Variants in ANO1 observed in about 807,000 individuals in gnomAD.
The protein encoded by ANO1 is anoctamin 1, also known as anoctamin-1.
Under a neutral mutation model 124.0 loss-of-function variants are expected in ANO1, and 59 were observed. The ratio of observed to expected loss-of-function variants is 0.48; its 90% confidence interval spans 0.39 to 0.59. The LOEUF is 0.59. Ranked by LOEUF, ANO1 falls within the 20% of genes least tolerant of loss-of-function variation. ANO1 has a pLI of 0.00. For missense variants in ANO1, 1,059 were observed against 1,328.0 expected (o/e 0.80, Z 3.15); for synonymous variants, 529 against 532.0 (o/e 0.99, Z 0.08).
Position 70,182,601 on chromosome 11 carries a change from C to G in ANO1, c.2503C>G (p.Leu835Val). Residue 835 changes from leucine (L) to valine (V), a missense_variant, in exon 24 of 26, where the codon CTC (leucine) becomes GTC (valine). Leu to Val is a conservative substitution (Grantham distance 32). Coordinates refer to ENST00000355303, the MANE Select transcript of ANO1 (RefSeq NM_018043.7). ...GTMHGFVNHT[L>V]SSFNVSDFQN... The stretch of plus-strand genomic sequence containing the variant: ...CATGCACGGCTTCGTCAACCACACC[C>G]TCTCCTCCTTCAACGTCAGTGACTT... The G allele has an allele frequency of 6.2e-7, 1 of 1,613,782 alleles. No homozygotes were observed. Among genetic ancestry groups the G allele is most frequent in the Non-Finnish European group, 8.5e-7 (1 of 1,179,770 alleles).
chr11:70,110,490 T>C (rs2045730650), intron 6 of ANO1, among the ~76,000 whole-genome samples: 1 of 152,084 alleles, frequency 6.6e-6, no homozygotes, highest in South Asian at 2.1e-4. Context: ...CGGGCCCCCA[T>C]GTTCACTTTC....
intron 1 of ANO1, among the ~76,000 whole-genome samples, chr11:70,055,964 T>C (rs888278463): frequency 6.6e-6 from 1 of 152,084 alleles, no homozygotes. Context: ...TTAACTTCAT[T>C]TACCTTCCCT....
At chr11:70,050,587 G>A (rs1035076982) in intron 1 of ANO1, among the ~76,000 whole-genome samples, 1 of 152,042 alleles carries the variant, frequency 6.6e-6, no homozygotes, top group Admixed American at 6.5e-5. Context: ...ACTGTTGGGG[G>A]CCCCAACCCT....
intron 1 of ANO1, among the ~76,000 whole-genome samples, chr11:70,059,116 A>G (rs181962969): frequency 0.011 from 1,676 of 151,474 alleles, 15 homozygotes; most frequent in Non-Finnish European, 0.015. Context: ...GGTGTGAACC[A>G]GGGAGGCAGA....
In ANO1 at chr11:70,016,874, GC is replaced by G. The variant is rs375090293; in HGVS notation, c.58+30709del. 2.2e-3 allele frequency among the ~76,000 whole-genome samples: 335 copies of G among 152,338 alleles called. 1 individual carries two copies. The highest frequency in any genetic ancestry group is 7.5e-3 in the African/African-American group (310 of 41,572). ...GACTAAACCAGGCCATTTCCCAGCT[GC>G]TTGTCTCACACTGCAGCCCTCTGTC... On this transcript the variant is annotated intron_variant, in intron 1 of 27. Coordinates refer to the ANO1 transcript ENST00000531349.
At chr11:70,052,802 A>G (rs72947358) in intron 1 of ANO1, among the ~76,000 whole-genome samples, 37,298 of 151,596 alleles carry the variant, frequency 0.25, 5,175 homozygotes, top group East Asian at 0.62. Flanking sequence ...TGATCCACCC[A>G]TCTTGGCCTC....
chr11:70,071,804 T>C (rs1436277019), intron 1 of ANO1, among the ~76,000 whole-genome samples: 1 of 151,586 alleles, frequency 6.6e-6, no homozygotes, highest in African/African-American at 2.4e-5. Flanking sequence ...TTTTTTTCTT[T>C]TTTAGAAATG....
At chr11:70,038,150 T>C (rs1223194978) in intron 1 of ANO1, among the ~76,000 whole-genome samples, 2 of 152,182 alleles carry the variant, frequency 1.3e-5, no homozygotes, top group Middle Eastern at 6.3e-3. Context: ...CATATCTATA[T>C]ATGTTCCAAT....
upstream of ANO1, chr11:70,078,278 G>A (rs1342117105): frequency 1.3e-5 from 2 of 152,904 alleles, no homozygotes; most frequent in East Asian, 2.0e-4. Flanking sequence ...ATAGGCGGGC[G>A]GAGAGCGCTT....
chr11:69,980,202 CTGAG>C, the ANO1 span, among the ~76,000 whole-genome samples: 544 of 152,292 alleles, frequency 3.6e-3, 5 homozygotes, highest in African/African-American at 0.013. Flanking sequence ...TCCAATTCAT[CTGAG>C]GTCCCTAGAG....
chr11:70,122,926 A>G (rs1424448776), intron 8 of ANO1, among the ~76,000 whole-genome samples: 1 of 152,196 alleles, frequency 6.6e-6, no homozygotes, highest in East Asian at 1.9e-4. Flanking sequence ...CGCTTCATCA[A>G]GGTTTGCTGG....
intron 12 of ANO1, among the ~76,000 whole-genome samples, chr11:70,151,652 GCA>G (rs1480763124): frequency 6.6e-6 from 1 of 152,132 alleles, no homozygotes; most frequent in Non-Finnish European, 1.5e-5. Flanking sequence ...AAGTCACTGG[GCA>G]CACACAGTGC....
intron 11 of ANO1, among the ~76,000 whole-genome samples, chr11:70,144,789 G>A (rs1013298088): frequency 4.6e-5 from 7 of 152,204 alleles, no homozygotes; most frequent in Non-Finnish European, 7.3e-5. Flanking sequence ...GGGAAGCCCC[G>A]TCCCTAATGC....
chr11:70,168,372 T>C (rs7127673), intron 21 of ANO1, among the ~76,000 whole-genome samples: 20,068 of 152,054 alleles, frequency 0.13, 1,445 homozygotes, highest in Middle Eastern at 0.16. Flanking sequence ...TCTTCCCTGA[T>C]CACTGTGTTT....
chr11:70,109,917 C>T (rs1466377129), intron 6 of ANO1, among the ~76,000 whole-genome samples: 1 of 152,126 alleles, frequency 6.6e-6, no homozygotes, highest in African/African-American at 2.4e-5. Flanking sequence ...CCCTGCTTCA[C>T]CATGACACCT....
chr11:70,104,178 C>G, intron 4 of ANO1, 28 bp downstream of exon 4: 1 of 1,600,574 alleles, frequency 6.2e-7, no homozygotes, highest in South Asian at 1.1e-5. Flanking sequence ...GCCTGCTCCC[C>G]AAAGGGTCCT....
At chr11:69,983,336 G>A (rs750255810), upstream of ANO1, among the ~76,000 whole-genome samples, 5 of 152,066 alleles carry the variant, frequency 3.3e-5, no homozygotes, top group South Asian at 2.1e-4. Context: ...TCCCTCCCTC[G>A]CCGCCTCGCC....
chr11:70,078,543 G>A lies in ANO1; in HGVS notation c.-64G>A. On this transcript the variant is annotated 5_prime_UTR_variant, in exon 1 of 26. Coordinates refer to ENST00000355303, the MANE Select transcript of ANO1 (RefSeq NM_018043.7). Reference sequence around the variant, plus strand: ...GAACGCTGCGGTCTCCGCCCGCAGAGGCCGCCGGGGCCGTGGATGGGGAGG... The same window carrying A: ...GAACGCTGCGGTCTCCGCCCGCAGAAGCCGCCGGGGCCGTGGATGGGGAGG... 2 of 1,204,922 alleles carry A rather than the reference G, an allele frequency of 1.7e-6. No homozygotes were observed. Among genetic ancestry groups the A allele is most frequent in the Non-Finnish European group, 2.2e-6 (2 of 916,542 alleles). The allele number at this position is 1,204,922 out of a possible 1,614,324, so 74.6% of individuals were successfully genotyped here. A position where few individuals can be genotyped will look rare whatever the true frequency, so the allele number is the denominator to read the frequency against.
rs1171891894 is a variant in ANO1 at position 70,155,992 on chromosome 11, C to G, written c.1503+4C>G. The G allele has an allele frequency of 7.9e-6, 12 of 1,513,546 alleles. No homozygotes were observed. In the African/African-American group the frequency reaches 1.7e-4, roughly 21 times the overall value. The allele number at this position is 1,513,546 out of a possible 1,614,324, so 93.8% of individuals were successfully genotyped here. The stretch of plus-strand genomic sequence containing the variant: ...AGCCATGGCGGGGGTGAAATTGGTA[C>G]TTTTCTATTTTGCGGGCAGCGCGCG... On this transcript the variant is annotated splice_donor_region_variant and intron_variant, in intron 15 of 25. Transcript: ENST00000355303.
Sources: allele counts gnomAD v4.1 joint callset (sites outside exome capture counted in the v4.1 genomes callset), GRCh38; gene constraint gnomAD v4.1.1; transcripts MANE v1.5; gene names NCBI Gene and HGNC (gene_info 2026-07-23, HGNC 2026-07-21).